RIMBP2: variants seen among roughly 807,000 people sequenced by gnomAD.
RIMBP2 encodes the protein RIMS binding protein 2.
In RIMBP2, 48 loss-of-function variants were observed where a neutral mutation model predicts 118.6. The ratio of observed to expected loss-of-function variants is 0.40; its 90% CI spans 0.32 to 0.51. The LOEUF (loss-of-function observed/expected upper bound fraction) is 0.51. RIMBP2 is among the 20% of genes least tolerant of loss of function. The probability of loss-of-function intolerance (pLI) is 0.41; values close to 1 mark genes in which losing one functional copy is unlikely to be tolerated. For missense variants in RIMBP2, 1,551 were observed against 1,768.3 expected, an observed-to-expected ratio of 0.88 and a Z score of 2.20; for synonymous variants, 762 against 742.9, an observed-to-expected ratio of 1.03 and a Z score of -0.42.
chr12:130,554,284 G>A (rs1336084234), intron 2 of RIMBP2, among the ~76,000 whole-genome samples: 1 of 152,052 alleles, frequency 6.6e-6, no homozygotes, highest in Non-Finnish European at 1.5e-5. Flanking sequence ...GCTTTTCTGG[G>A]GCCTAAATGA....
chr12:130,496,027 G>T (rs768248665), intron 4 of RIMBP2, among the ~76,000 whole-genome samples: 1 of 152,158 alleles, frequency 6.6e-6, no homozygotes, highest in East Asian at 1.9e-4. Flanking sequence ...TGACTCATTG[G>T]ACCTAAACTG....
At chr12:130,443,608 T>G (rs569134766) in intron 10 of RIMBP2, among the ~76,000 whole-genome samples, 1 of 152,252 alleles carries the variant, frequency 6.6e-6, no homozygotes, top group Non-Finnish European at 1.5e-5. Context: ...AACCATTTAG[T>G]TAGTCCTGGA....
intron 7 of RIMBP2, among the ~76,000 whole-genome samples, chr12:130,455,585 G>A (rs1156379648): frequency 1.3e-5 from 2 of 152,318 alleles, no homozygotes; most frequent in Non-Finnish European, 2.9e-5. Flanking sequence ...ATGGGAAGGC[G>A]TGGGACGAGC....
chr12:130,414,509 T>A (rs1043782299), intron 17 of RIMBP2: 6 of 483,044 alleles, frequency 1.2e-5, no homozygotes, highest in African/African-American at 1.2e-4. Flanking sequence ...CCACACTCTG[T>A]ACCTGGCCAC....
rs1286398980 is a variant in RIMBP2, at chr12:130,450,225, C to T, written c.556G>A (p.Val186Ile). 6.2e-7 allele frequency: 1 copy of T among 1,609,030 alleles called. No homozygotes were observed. The highest frequency in any genetic ancestry group is 1.7e-5 in the Admixed American group (1 of 59,642). The change falls in exon 9 of 23, where the codon GTC (valine) becomes ATC (isoleucine). Residue 186 changes from valine (V) to isoleucine (I), a missense_variant. Val to Ile is a conservative substitution (Grantham distance 29, BLOSUM62 3). This residue lies in a region of RIMBP2 where 239 missense variants were observed against 256.8 expected (regional missense o/e 0.93). Coordinates refer to ENST00000690449, the MANE Select transcript of RIMBP2 (RefSeq NM_001393629.1). This position sits in a 1 kb window ranked among gnomAD's most constrained non-coding sequence, Gnocchi z 4.8. ...CTATAGCGGGCAACACAGAGGTGGA[C>T]CTTCCCCGAGTATCTCTGCTTGGAG... ...NTSKQRYSGKVHLCVARYSYN... is the reference protein window; with the variant it reads ...NTSKQRYSGKIHLCVARYSYN...
intron 1 of RIMBP2, among the ~76,000 whole-genome samples, chr12:130,676,132 G>T (rs763856044): frequency 6.6e-6 from 1 of 152,206 alleles, no homozygotes; most frequent in African/African-American, 2.4e-5. Context: ...AGCCACCAGC[G>T]CTGTGAGCAA....
chr12:130,669,711 G>C (rs1472139277), intron 1 of RIMBP2, among the ~76,000 whole-genome samples: 1 of 152,172 alleles, frequency 6.6e-6, no homozygotes, highest in Non-Finnish European at 1.5e-5. Context: ...CTTCATTGCA[G>C]TGTGAGAACG....
In RIMBP2 at chr12:130,414,145, T is replaced by C; in HGVS notation, c.3400A>G (p.Lys1134Glu). Reference protein sequence around the residue: ...PDAAEEELPFKEGQIIKVYGD... With the variant: ...PDAAEEELPFEEGQIIKVYGD... ...CGCACCTTGATGATCTGGCCTTCTT[T>C]AAAGGGAAGCTCCTCCTCTGCAGCA... The change falls in exon 18 of 23, where the codon AAA (lysine) becomes GAA (glutamate). Residue 1134 changes from lysine (K) to glutamate (E), a missense_variant. By Grantham distance (56) the Lys-to-Glu change is moderately conservative. Around this residue, in one of 5 missense-constraint regions of RIMBP2, gnomAD observed 1,038 missense variants for 1,125.1 expected, o/e 0.92. Coordinates refer to ENST00000690449, the MANE Select transcript of RIMBP2 (RefSeq NM_001393629.1). The C allele has an allele frequency of 6.2e-7, 1 of 1,614,110 alleles. No homozygotes were observed. The highest frequency in any genetic ancestry group is 8.5e-7 in the Non-Finnish European group (1 of 1,180,020).
chr12:130,632,775 C>G (rs2062082118), intron 1 of RIMBP2, among the ~76,000 whole-genome samples: 1 of 152,212 alleles, frequency 6.6e-6, no homozygotes, highest in Non-Finnish European at 1.5e-5. Flanking sequence ...CTGTGCATAA[C>G]CAACCCTAAT....
chr12:130,590,844 C>G (rs560310849), intron 2 of RIMBP2, among the ~76,000 whole-genome samples: 3 of 152,298 alleles, frequency 2.0e-5, no homozygotes, highest in Non-Finnish European at 4.4e-5. Context: ...ATCCTCACCC[C>G]CAAGGTGTCA....
intron 1 of RIMBP2, among the ~76,000 whole-genome samples, chr12:130,704,564 G>T (rs1190419299): frequency 6.6e-6 from 1 of 152,118 alleles, no homozygotes; most frequent in Non-Finnish European, 1.5e-5. Context: ...AACAGAGCCA[G>T]ACTCCATCTC....
At chr12:130,462,763 C>G (rs1032641002) in intron 6 of RIMBP2, among the ~76,000 whole-genome samples, 1 of 152,244 alleles carries the variant, frequency 6.6e-6, no homozygotes, top group Non-Finnish European at 1.5e-5. Flanking sequence ...GCTGGCACCA[C>G]GTGGAGCTCA....
At chr12:130,490,925 A>C (rs2048582089) in intron 4 of RIMBP2, among the ~76,000 whole-genome samples, 2 of 152,148 alleles carry the variant, frequency 1.3e-5, no homozygotes. Flanking sequence ...CGAAGTGGGA[A>C]GCGGTCTACA....
intron 5 of RIMBP2, among the ~76,000 whole-genome samples, chr12:130,477,159 G>A (rs150283825): frequency 1.3e-4 from 20 of 152,338 alleles, no homozygotes; most frequent in Admixed American, 5.2e-4. Flanking sequence ...TGGTGAGTGC[G>A]GGGGGATAAA....
At chr12:130,641,241 T>A (rs551169001) in intron 1 of RIMBP2, among the ~76,000 whole-genome samples, 2 of 151,558 alleles carry the variant, frequency 1.3e-5, no homozygotes, top group African/African-American at 4.8e-5. Flanking sequence ...TCGTGAGCCC[T>A]GACCGCACTG....
At chr12:130,601,230 C>T (rs1049986775) in intron 2 of RIMBP2, among the ~76,000 whole-genome samples, 1 of 150,112 alleles carries the variant, frequency 6.7e-6, no homozygotes, top group African/African-American at 2.4e-5. Flanking sequence ...TGAGTTAGTC[C>T]AGGCCGCCGG....
At chr12:130,519,806 G>A (rs2139096093) in intron 2 of RIMBP2, among the ~76,000 whole-genome samples, 1 of 152,342 alleles carries the variant, frequency 6.6e-6, no homozygotes, top group Non-Finnish European at 1.5e-5. Flanking sequence ...CTCCTTAAAT[G>A]TGACCTTGGA....
At chr12:130,630,055 A>C (rs2140943236) in intron 1 of RIMBP2, among the ~76,000 whole-genome samples, 1 of 152,032 alleles carries the variant, frequency 6.6e-6, no homozygotes, top group Non-Finnish European at 1.5e-5. Flanking sequence ...TGCTAAAAAG[A>C]CCAATGAAGG....
At chr12:130,707,564 G>A (rs529297131) in intron 1 of RIMBP2, among the ~76,000 whole-genome samples, 2 of 152,286 alleles carry the variant, frequency 1.3e-5, no homozygotes, top group African/African-American at 4.8e-5. Context: ...CAGGCCTGTG[G>A]CCATCAGGAG....
Sources: allele counts gnomAD v4.1 joint callset (sites outside exome capture counted in the v4.1 genomes callset), GRCh38; gene constraint gnomAD v4.1.1; regional missense constraint gnomAD v4.1.1; non-coding constraint Gnocchi (gnomAD v3.1); transcripts MANE v1.5; gene names NCBI Gene and HGNC (gene_info 2026-07-23, HGNC 2026-07-21).